ACACA: variants seen among roughly 807,000 people sequenced by gnomAD.
ACACA encodes the protein acetyl-CoA carboxylase alpha, also known as acetyl-CoA carboxylase 1.
Under a neutral mutation model 296.1 loss-of-function variants are expected in ACACA, and 103 were observed. The observed-to-expected ratio is 0.35, with a 90% confidence interval of 0.30 to 0.41. The LOEUF (loss-of-function observed/expected upper bound fraction) is 0.41, where lower values mean the gene tolerates loss of function less well. Among genes scored for constraint, ACACA ranks in the 10% least tolerant of loss-of-function variants. The pLI, the probability that ACACA is intolerant of heterozygous loss-of-function variation, is 1.00. For missense variants in ACACA, 1,554 were observed against 2,989.7 expected, an observed-to-expected ratio of 0.52 and a Z score of 11.20; for synonymous variants, 953 against 1,038.6, an observed-to-expected ratio of 0.92 and a Z score of 1.58.
chr17:37,218,393 G>A (rs1450895562), intron 29 of ACACA, among the ~76,000 whole-genome samples: 1 of 152,140 alleles, frequency 6.6e-6, no homozygotes, highest in Non-Finnish European at 1.5e-5. Context: ...TGGATATAAT[G>A]GGTTAAATAA....
chr17:37,263,392 A>G (rs1598348893), intron 11 of ACACA, among the ~76,000 whole-genome samples: 1 of 152,216 alleles, frequency 6.6e-6, no homozygotes, highest in Non-Finnish European at 1.5e-5. Flanking sequence ...CTCTTAAAAA[A>G]ATCAATCATA....
At chr17:37,206,094 G>A (rs1444634283) in intron 32 of ACACA, among the ~76,000 whole-genome samples, 1 of 152,144 alleles carries the variant, frequency 6.6e-6, no homozygotes, top group Non-Finnish European at 1.5e-5. Context: ...GGCAGCAGAG[G>A]CATTAGTAAC....
intron 41 of ACACA, 86 bp from the exon 42 acceptor site, chr17:37,162,136 T>C: frequency 7.1e-7 from 1 of 1,416,692 alleles, no homozygotes; most frequent in Non-Finnish European, 9.9e-7. Flanking sequence ...AGAGTATACC[T>C]AGGCACAGCC....
intron 3 of ACACA, among the ~76,000 whole-genome samples, chr17:37,293,632 T>C (rs1281721383): frequency 6.6e-6 from 1 of 151,290 alleles, no homozygotes; most frequent in Non-Finnish European, 1.5e-5. Context: ...AACCTCCTCT[T>C]CCCAGGTTCA....
At chr17:37,317,328 G>T in intron 3 of ACACA, among the ~76,000 whole-genome samples, 1 of 151,984 alleles carries the variant, frequency 6.6e-6, no homozygotes, top group Non-Finnish European at 1.5e-5. Flanking sequence ...GGTGGCTGAC[G>T]CCTGTAATCC....
Position 37,232,857 on chromosome 17 carries a change from C to T in ACACA, c.3246+2118G>A, listed in dbSNP as rs894456389. Among the ~76,000 whole-genome samples, 4 of 151,900 alleles carry T rather than the reference C, an allele frequency of 2.6e-5. No individual in the cohort carries two copies. In the East Asian group the frequency reaches 7.7e-4, roughly 29 times the overall value. On this transcript the variant is annotated intron_variant, in intron 25 of 55. Transcript: ENST00000616317. ...TGGCTTCCTGGTTCACATGTTCAAC[C>T]GTCCTTATCCTCCTCCTCCTCCTCC...
chr17:37,353,163 G>GA lies in ACACA; in HGVS notation c.39-13314dup, dbSNP rs550029070. Reference sequence around the variant, plus strand: ...AAACAGCTTGCCTTGCCAGGGCCAGGAATACCACTAAATGCTAAAGCATAA... The same window carrying GA: ...AAACAGCTTGCCTTGCCAGGGCCAGGAAATACCACTAAATGCTAAAGCATAA... On this transcript the variant is annotated intron_variant, in intron 1 of 55. Coordinates refer to ENST00000616317, the MANE Select transcript of ACACA (RefSeq NM_198834.3). Among the ~76,000 whole-genome samples the GA allele has an allele frequency of 1.3e-4, 20 of 152,158 alleles. No homozygotes were observed. The East Asian group carries it at 3.9e-3, about 29-fold the overall frequency.
chr17:37,173,994 ATATATATATATATATATATATATATAT>A (rs1429859880), intron 41 of ACACA, among the ~76,000 whole-genome samples: 4 of 8,380 alleles, frequency 4.8e-4, no homozygotes, highest in African/African-American at 3.9e-3. Flanking sequence ...ATATATATAT[ATATATATATATATATATATATATATAT>A]TTTTTTTTTT....
intron 45 of ACACA, among the ~76,000 whole-genome samples, chr17:37,137,922 G>C (rs2075398838): frequency 6.6e-6 from 1 of 152,178 alleles, no homozygotes; most frequent in Admixed American, 6.5e-5. Context: ...TGTTCCAATG[G>C]TCTTGACTTC....
At chr17:37,220,642 G>A (rs1448016471) in intron 29 of ACACA, among the ~76,000 whole-genome samples, 1 of 152,156 alleles carries the variant, frequency 6.6e-6, no homozygotes, top group Non-Finnish European at 1.5e-5. Flanking sequence ...CAGCCATAAG[G>A]TATTTTTGAG....
intron 2 of ACACA, among the ~76,000 whole-genome samples, chr17:37,338,903 G>C (rs577945437): frequency 2.1e-4 from 31 of 149,588 alleles, no homozygotes; most frequent in African/African-American, 7.7e-4. Context: ...TTGCGCCACT[G>C]CACTCTAGCC....
At chr17:37,282,298 C>T (rs1475005044) in intron 5 of ACACA, among the ~76,000 whole-genome samples, 1 of 152,198 alleles carries the variant, frequency 6.6e-6, no homozygotes, top group Non-Finnish European at 1.5e-5. Flanking sequence ...CATCTTCCCC[C>T]AGTAAGTGTC....
At chr17:37,210,117 C>T (rs890161373) in intron 30 of ACACA, among the ~76,000 whole-genome samples, 1 of 152,094 alleles carries the variant, frequency 6.6e-6, no homozygotes, top group Non-Finnish European at 1.5e-5. Flanking sequence ...ATAGGAGTAA[C>T]CTTAAGGGTT....
At chr17:37,357,492 C>T (rs1386089877) in intron 1 of ACACA, among the ~76,000 whole-genome samples, 1 of 152,080 alleles carries the variant, frequency 6.6e-6, no homozygotes, top group African/African-American at 2.4e-5. Flanking sequence ...GACTCCATCT[C>T]AAACAAACAA....
intron 50 of ACACA, among the ~76,000 whole-genome samples, chr17:37,116,777 C>A (rs879717826): frequency 2.6e-4 from 39 of 152,208 alleles, no homozygotes; most frequent in Admixed American, 4.6e-4. Context: ...ATCTGACACA[C>A]AATTGTCTGA....
At chr17:37,341,578 T>C (rs2048371967) in intron 1 of ACACA, among the ~76,000 whole-genome samples, 1 of 151,286 alleles carries the variant, frequency 6.6e-6, no homozygotes, top group Admixed American at 6.6e-5. Flanking sequence ...TAATCCCAGC[T>C]ACTCAGGAGG....
chr17:37,173,685 C>T (rs1037243213), intron 41 of ACACA, among the ~76,000 whole-genome samples: 13 of 151,830 alleles, frequency 8.6e-5, no homozygotes, highest in Middle Eastern at 3.4e-3. Flanking sequence ...ACAATTAAAA[C>T]AATAATTAAA....
At chr17:37,228,643 C>A (rs998923275) in intron 25 of ACACA, among the ~76,000 whole-genome samples, 4 of 152,136 alleles carry the variant, frequency 2.6e-5, no homozygotes, top group Non-Finnish European at 5.9e-5. Flanking sequence ...GGGAAACCAA[C>A]ATAATTTTTT....
intron 40 of ACACA, among the ~76,000 whole-genome samples, chr17:37,179,902 A>T (rs2077256244): frequency 6.6e-6 from 1 of 152,214 alleles, no homozygotes; most frequent in Non-Finnish European, 1.5e-5. Flanking sequence ...ATAGGACCAC[A>T]CACAGGAATT....
Sources: allele counts gnomAD v4.1 joint callset (sites outside exome capture counted in the v4.1 genomes callset), GRCh38; gene constraint gnomAD v4.1.1; transcripts MANE v1.5; gene names NCBI Gene and HGNC (gene_info 2026-07-23, HGNC 2026-07-21).